Variants in EML6 observed in about 807,000 individuals in gnomAD.
EML6 encodes the protein EMAP like 6, also known as echinoderm microtubule-associated protein-like 6.
A neutral mutation model predicts 240.1 loss-of-function variants in EML6; 154 were observed. That is an observed-to-expected ratio of 0.64 (90% CI 0.56 to 0.73). The LOEUF is 0.73. Among genes scored for constraint, EML6 ranks in the 30% least tolerant of loss-of-function variants. The pLI is 0.00. For synonymous variants in EML6, 1,148 were observed against 899.0 expected, an observed-to-expected ratio of 1.28 and a Z score of -4.95; for missense variants, 2,964 against 2,474.6, an observed-to-expected ratio of 1.20 and a Z score of -4.20.
intron 26 of EML6, among the ~76,000 whole-genome samples, chr2:54,917,373 T>TTTTTTTTTTTG (rs1558684013): frequency 7.6e-5 from 11 of 145,112 alleles, no homozygotes; most frequent in Non-Finnish European, 1.2e-4. Flanking sequence ...TTTTTTTTTT[T>TTTTTTTTTTTG]TTGTTTTTTG....
At chr2:54,863,634 G>A (rs1292937431) in intron 12 of EML6, 149 bp from the exon 13 acceptor site, 2 of 631,066 alleles carry the variant, frequency 3.2e-6, no homozygotes, top group South Asian at 3.9e-5. Context: ...AAAGGTGAAA[G>A]AAAGATGTTT....
chr2:54,745,816 A>G (rs146536105), intron 2 of EML6, among the ~76,000 whole-genome samples: 34 of 152,266 alleles, frequency 2.2e-4, no homozygotes, highest in African/African-American at 7.2e-4. Context: ...ACCATGGGGT[A>G]CATCCTTCCC....
intron 2 of EML6, among the ~76,000 whole-genome samples, chr2:54,750,870 G>A (rs1684132138): frequency 6.6e-6 from 1 of 152,146 alleles, no homozygotes; most frequent in Non-Finnish European, 1.5e-5. Flanking sequence ...TCCGATCAGT[G>A]CAAGAAATTG....
chr2:54,883,552 C>T (rs1462124634), intron 17 of EML6, among the ~76,000 whole-genome samples: 3 of 152,128 alleles, frequency 2.0e-5, no homozygotes, highest in Non-Finnish European at 4.4e-5. Flanking sequence ...GAAGAGGCTC[C>T]TTCCTTCGTG....
intron 12 of EML6, among the ~76,000 whole-genome samples, chr2:54,860,881 C>T (rs142912934): frequency 6.6e-6 from 1 of 152,190 alleles, no homozygotes; most frequent in African/African-American, 2.4e-5. Flanking sequence ...TCCCAGAGGA[C>T]TCCATCCTAA....
chr2:54,895,499 ACT>A lies in EML6; in HGVS notation c.2982+103_2982+104del, dbSNP rs1672716730. 2.5e-6 allele frequency: 3 copies of A among 1,202,344 alleles called. No individual in the cohort carries two copies. The East Asian group carries it at 7.7e-5, about 31-fold the overall frequency. 74.5% of individuals were successfully genotyped at this position (1,202,344 alleles called of 1,614,324 possible). ...GGTTGCAAAACTTAAGGAGGCACTCACTCTCAGGGTTGCACAAGAGTTGAACT... is the reference window on the plus strand; with the variant it reads ...GGTTGCAAAACTTAAGGAGGCACTCACTCAGGGTTGCACAAGAGTTGAACT... On this transcript the variant is annotated intron_variant, in intron 21 of 41. Transcript: ENST00000356458.
chr2:54,954,005 A>G lies in EML6; in HGVS notation c.4335A>G (p.Ile1445Met), dbSNP rs756314316. Residue 1445 changes from isoleucine (I) to methionine (M), a missense_variant, in exon 32 of 42, where the codon ATA becomes ATG. Physicochemically the swap from Ile to Met is conservative, Grantham distance 10 (BLOSUM62 1). Transcript: ENST00000356458. ...CAGGGACAACACCTTCCATCCACAT[A>G]TGGGACGCCATGACCAAACACACCC... is the stretch of plus-strand genomic sequence containing the variant. ...SQIGTTPSIH[I>M]WDAMTKHTLS... 28 of 1,551,314 alleles carry G rather than the reference A, an allele frequency of 1.8e-5. No homozygotes were observed. The highest frequency in any genetic ancestry group is 2.3e-5 in the Non-Finnish European group (26 of 1,146,760).
In EML6 at chr2:54,844,216, G is replaced by C; in HGVS notation, c.1017G>C (p.Leu339=). The C allele has an allele frequency of 6.4e-7, 1 of 1,551,716 alleles. No individual in the cohort carries two copies. Among genetic ancestry groups the C allele is most frequent in the Non-Finnish European group, 8.7e-7 (1 of 1,147,000 alleles). ...WALALHPKKP[L]AVTGSDDRSV... ...TGGCCCTGCACCCCAAGAAGCCTCTGGCTGTGACAGGCAGCGATGACCGCT... is the reference window on the plus strand; with the variant it reads ...TGGCCCTGCACCCCAAGAAGCCTCTCGCTGTGACAGGCAGCGATGACCGCT... The change falls in exon 8 of 42, where the codon CTG becomes CTC. Residue 339 remains leucine, a synonymous_variant. Transcript: ENST00000356458.
At chr2:54,857,147 G>A (rs993586045) in intron 11 of EML6, among the ~76,000 whole-genome samples, 2 of 152,184 alleles carry the variant, frequency 1.3e-5, no homozygotes, top group African/African-American at 2.4e-5. Flanking sequence ...AAGGGGAAGA[G>A]GAATGTCTCG....
At chr2:54,837,776 C>T (rs761399316) in intron 7 of EML6, among the ~76,000 whole-genome samples, 4 of 152,172 alleles carry the variant, frequency 2.6e-5, no homozygotes, top group Non-Finnish European at 4.4e-5. Context: ...GTAATGAAGT[C>T]TTGCTCTGGT....
At chr2:54,789,045 T>G (rs879242264) in intron 2 of EML6, among the ~76,000 whole-genome samples, 1 of 152,234 alleles carries the variant, frequency 6.6e-6, no homozygotes, top group Non-Finnish European at 1.5e-5. Flanking sequence ...TTCTTTCTTA[T>G]ATCCATCATC....
At chr2:54,879,244 T>G (rs1002523939) in intron 16 of EML6, among the ~76,000 whole-genome samples, 1 of 152,258 alleles carries the variant, frequency 6.6e-6, no homozygotes, top group Non-Finnish European at 1.5e-5. Context: ...GTCGGCAGTT[T>G]ACTTCGGCAG....
chr2:54,830,474 T>C (rs1346992668), intron 7 of EML6, among the ~76,000 whole-genome samples: 1 of 152,182 alleles, frequency 6.6e-6, no homozygotes, highest in Non-Finnish European at 1.5e-5. Flanking sequence ...GAGAAGACCC[T>C]GTGACATAGG....
chr2:54,953,481 G>T (rs181712668), intron 31 of EML6, among the ~76,000 whole-genome samples: 2 of 152,292 alleles, frequency 1.3e-5, no homozygotes, highest in East Asian at 1.9e-4. Flanking sequence ...GAACATAAAT[G>T]TCCGTAGGGC....
intron 2 of EML6, among the ~76,000 whole-genome samples, chr2:54,758,622 A>G (rs1572863990): frequency 6.6e-6 from 1 of 151,922 alleles, no homozygotes; most frequent in Admixed American, 6.6e-5. Flanking sequence ...TATATCATCC[A>G]TTTGTTTGTC....
At chr2:54,952,245 T>C (rs899462765) in intron 30 of EML6, among the ~76,000 whole-genome samples, 3 of 152,184 alleles carry the variant, frequency 2.0e-5, no homozygotes, top group Admixed American at 2.0e-4. Context: ...GCACCAGTCC[T>C]GTGCCATGGA....
intron 35 of EML6, 30 bp downstream of exon 35, chr2:54,960,364 G>A: frequency 3.3e-6 from 5 of 1,496,678 alleles, no homozygotes; most frequent in African/African-American, 1.4e-5. Flanking sequence ...CTGGGGGCTG[G>A]GCCAGGGAAG....
At chr2:54,922,749 A>G (rs1674325272) in intron 26 of EML6, among the ~76,000 whole-genome samples, 2 of 152,130 alleles carry the variant, frequency 1.3e-5, no homozygotes, top group Non-Finnish European at 2.9e-5. Flanking sequence ...ATTTGCAATA[A>G]TGTGGATGAA....
At chr2:54,896,091 T>C (rs1199558531) in intron 21 of EML6, among the ~76,000 whole-genome samples, 1 of 152,192 alleles carries the variant, frequency 6.6e-6, no homozygotes, top group African/African-American at 2.4e-5. Flanking sequence ...GGCCACCCTC[T>C]GGCCACCAGT....
Sources: allele counts gnomAD v4.1 joint callset (sites outside exome capture counted in the v4.1 genomes callset), GRCh38; gene constraint gnomAD v4.1.1; transcripts MANE v1.5; gene names NCBI Gene and HGNC (gene_info 2026-07-23, HGNC 2026-07-21).